The following SEMA3B variants were observed in gnomAD, a reference collection of about 807,000 sequenced individuals.
The protein encoded by SEMA3B is semaphorin 3B, also known as semaphorin-3B.
In SEMA3B, 71 loss-of-function variants were observed where a neutral mutation model predicts 77.8. That is an observed-to-expected ratio of 0.91 (90% confidence interval 0.75 to 1.11). SEMA3B has a LOEUF of 1.11. SEMA3B is among the 50% of genes most tolerant of loss of function. The pLI is 0.00. For missense variants in SEMA3B, 968 were observed against 1,056.8 expected (o/e 0.92, Z 1.17); for synonymous variants, 470 against 452.9 (o/e 1.04, Z -0.48).
chr3:50,276,348 T>C lies in SEMA3B; in HGVS notation c.1892T>C (p.Leu631Pro). 2 of 1,532,494 alleles carry C rather than the reference T, an allele frequency of 1.3e-6. No individual in the cohort carries two copies. Among genetic ancestry groups the C allele is most frequent in the Non-Finnish European group, 1.7e-6 (2 of 1,143,950 alleles). The allele number at this position is 1,532,494 out of a possible 1,614,324, so 94.9% of individuals were successfully genotyped here. The change falls in exon 17 of 17, where the codon CTG becomes CCG. Residue 631 changes from leucine (L) to proline (P), a missense_variant. By Grantham distance (98) the Leu-to-Pro change is moderately conservative. Coordinates refer to ENST00000616701, the MANE Select transcript of SEMA3B (RefSeq NM_001290060.2). The surrounding 1 kb of genome is among the most constrained non-coding windows in gnomAD (Gnocchi z 5.8). ...RTERTARGLL[L>P]RRLRRRDSGV... ...GAGCGCACCGCCCGGGGACTACTGCTGCGCAGGCTGCGGCGCCGGGACTCG... is the reference window on the plus strand; with the variant it reads ...GAGCGCACCGCCCGGGGACTACTGCCGCGCAGGCTGCGGCGCCGGGACTCG...
In SEMA3B at chr3:50,275,596, C is replaced by T. The variant is rs1553706438; in HGVS notation, c.1686C>T (p.Pro562=). Residue 562 remains proline, a synonymous_variant, in exon 15 of 17, where the codon CCC becomes CCT. Coordinates refer to ENST00000616701, the MANE Select transcript of SEMA3B (RefSeq NM_001290060.2). The surrounding 1 kb of genome is among the most constrained non-coding windows in gnomAD (Gnocchi z 7.5). ...FRRQDVRNGD[P]STLCSGDSSR... ...GGCAAGACGTAAGGAATGGCGACCC[C>T]AGCACGTTGTGCTCCGGAGGTGAGT... is the stretch of plus-strand genomic sequence containing the variant. The T allele has an allele frequency of 6.2e-7, 1 of 1,613,730 alleles. No homozygotes were observed. The highest frequency in any genetic ancestry group is 1.7e-5 in the Admixed American group (1 of 60,028).
Position 50,274,669 on chromosome 3 carries a change from C to T in SEMA3B, c.1357+87C>T. 1 of 1,460,222 alleles carries T rather than the reference C, an allele frequency of 6.8e-7. No homozygotes were observed. The highest frequency in any genetic ancestry group is 9.3e-7 in the Non-Finnish European group (1 of 1,074,578). The allele number at this position is 1,460,222 out of a possible 1,614,324, so 90.5% of individuals were successfully genotyped here. ...AGCTCTCCCTGTTCAGTCCCATCTC[C>T]ACATCCTTTCCTGGGCTGTGTCTCC... On this transcript the variant is annotated intron_variant, in intron 11 of 16. Transcript: ENST00000616701. This position sits in a 1 kb window ranked among gnomAD's most constrained non-coding sequence, Gnocchi z 4.7.
At chr3:50,262,635 G>A (rs1334886516), upstream of SEMA3B, 6 of 152,268 alleles carry the variant, frequency 3.9e-5, no homozygotes, top group Non-Finnish European at 8.8e-5. Flanking sequence ...AGGAGCAGAA[G>A]TCAAGGCCAT....
At position 50,274,675 on chromosome 3, in the gene SEMA3B, C is replaced by T; in HGVS notation, c.1357+93C>T. On this transcript the variant is annotated intron_variant, in intron 11 of 16. Transcript: ENST00000616701. This position sits in a 1 kb window ranked among gnomAD's most constrained non-coding sequence, Gnocchi z 4.7. ...CCCTGTTCAGTCCCATCTCCACATC[C>T]TTTCCTGGGCTGTGTCTCCACCCTG... The T allele has an allele frequency of 2.1e-6, 3 of 1,441,406 alleles. No individual in the cohort carries two copies. In the Admixed American group the frequency reaches 6.3e-5, roughly 30 times the overall value. The allele number at this position is 1,441,406 out of a possible 1,614,324, so 89.3% of individuals were successfully genotyped here.
At position 50,270,077 on chromosome 3, in the gene SEMA3B, G is replaced by C; in HGVS notation, c.110-50G>C. On this transcript the variant is annotated intron_variant, in intron 1 of 16. Transcript: ENST00000616701. The surrounding 1 kb of genome is among the most constrained non-coding windows in gnomAD (Gnocchi z 4.7). ...GAGTCACCACCAGGCAGGACCTGGG[G>C]GAGGCTTCCAGCATGGCTGGCGAGT... 6.7e-7 allele frequency: 1 copy of C among 1,486,188 alleles called. No individual in the cohort carries two copies. The highest frequency in any genetic ancestry group is 2.2e-5 in the Admixed American group (1 of 44,754). 92.1% of individuals were successfully genotyped at this position (1,486,188 alleles called of 1,614,324 possible).
chr3:50,271,602 A>G, intron 6 of SEMA3B, 122 bp downstream of exon 6: 1 of 1,371,270 alleles, frequency 7.3e-7, no homozygotes, highest in Non-Finnish European at 9.9e-7. Context: ...ACCCTCCTTA[A>G]TCAGGCACTG....
intron 6 of SEMA3B, 84 bp downstream of exon 6, chr3:50,271,564 C>A: frequency 6.5e-7 from 1 of 1,532,062 alleles, no homozygotes; most frequent in Non-Finnish European, 8.8e-7. Flanking sequence ...AGTAAGTGAG[C>A]AGTGGGTGTG....
At chr3:50,265,150 C>T (rs929602512), upstream of SEMA3B, among the ~76,000 whole-genome samples, 1 of 152,140 alleles carries the variant, frequency 6.6e-6, no homozygotes, top group Non-Finnish European at 1.5e-5. Context: ...CAGGAGATGC[C>T]CCTGGGGCAG....
chr3:50,267,802 G>A (rs3755832), upstream of SEMA3B: 12,252 of 152,512 alleles, frequency 0.08, 629 homozygotes, highest in Middle Eastern at 0.11. The surrounding 1 kb of genome is among the most constrained non-coding windows in gnomAD (Gnocchi z 5.7). Flanking sequence ...AGGGAGGTGG[G>A]GGTCCTGGCC....
chr3:50,271,386 A>G lies in SEMA3B; in HGVS notation c.570A>G (p.Ala190=). Residue 190 remains alanine, a synonymous_variant, in exon 6 of 17, where the codon GCA becomes GCG. Transcript: ENST00000616701. The part of the protein sequence containing the change: ...LVGEELYSGV[A]ADLMGRDFTI... The stretch of plus-strand genomic sequence containing the variant: ...GGGAGGAGCTATACTCAGGGGTGGC[A>G]GCAGACCTCATGGGACGAGACTTTA... The G allele has an allele frequency of 6.3e-7, 1 of 1,587,330 alleles. No homozygotes were observed. Among genetic ancestry groups the G allele is most frequent in the Non-Finnish European group, 8.6e-7 (1 of 1,166,900 alleles).
chr3:50,274,027 G>C lies in SEMA3B; in HGVS notation c.1107G>C (p.Gln369His). 6 of 1,613,494 alleles carry C rather than the reference G, an allele frequency of 3.7e-6. No individual in the cohort carries two copies. Among genetic ancestry groups the C allele is most frequent in the Non-Finnish European group, 5.1e-6 (6 of 1,179,738 alleles). Reference protein sequence around the residue: ...EGPMHQWVSYQGRVPYPRPGM... With the variant: ...EGPMHQWVSYHGRVPYPRPGM... ...CCATGCACCAGTGGGTGTCATACCA[G>C]GGTCGCGTCCCCTACCCGCGGCCAG... Residue 369 changes from glutamine (Q) to histidine (H), a missense_variant, in exon 10 of 17, where the codon CAG (glutamine) becomes CAC (histidine). Coordinates refer to ENST00000616701, the MANE Select transcript of SEMA3B (RefSeq NM_001290060.2). The surrounding 1 kb of genome is among the most constrained non-coding windows in gnomAD (Gnocchi z 4.7).
At position 50,273,379 on chromosome 3, in the gene SEMA3B, C is replaced by A. The variant is rs1203888095; in HGVS notation, c.746C>A (p.Thr249Lys). The A allele has an allele frequency of 1.2e-6, 2 of 1,613,864 alleles. No homozygotes were observed. The highest frequency in any genetic ancestry group is 1.7e-6 in the Non-Finnish European group (2 of 1,179,876). ...AAAATCTACTTCTTCTTTCGTGAGACGGCGGTAGAGGCGGCGCCGGCACTG... is the reference window on the plus strand; with the variant it reads ...AAAATCTACTTCTTCTTTCGTGAGAAGGCGGTAGAGGCGGCGCCGGCACTG... ...DDKIYFFFRE[T>K]AVEAAPALGR... The change falls in exon 7 of 17, where the codon ACG becomes AAG. Residue 249 changes from threonine (T) to lysine (K), a missense_variant. By Grantham distance (78) the Thr-to-Lys change is moderately conservative (BLOSUM62 -1). Coordinates refer to ENST00000616701, the MANE Select transcript of SEMA3B (RefSeq NM_001290060.2). This position sits in a 1 kb window ranked among gnomAD's most constrained non-coding sequence, Gnocchi z 6.5.
At position 50,276,847 on chromosome 3, in the gene SEMA3B, C is replaced by T. The variant is rs1575477441; in HGVS notation, c.*141C>T. ...GGAGACACCAACCGACAGGCCCTGG[C>T]TGAGGGCAGCTGCGCGGGCTTATTT... On this transcript the variant is annotated 3_prime_UTR_variant, in exon 17 of 17. Coordinates refer to ENST00000616701, the MANE Select transcript of SEMA3B (RefSeq NM_001290060.2). The surrounding 1 kb of genome is among the most constrained non-coding windows in gnomAD (Gnocchi z 5.8). 1 of 985,608 alleles carries T rather than the reference C, an allele frequency of 1.0e-6. No homozygotes were observed. The highest frequency in any genetic ancestry group is 1.4e-6 in the Non-Finnish European group (1 of 715,060). The allele number at this position is 985,608 out of a possible 1,614,324, so 61.1% of individuals were successfully genotyped here. A position where few individuals can be genotyped will look rare whatever the true frequency, so the allele number is the denominator to read the frequency against.
chr3:50,271,480 G>T lies in SEMA3B; in HGVS notation c.664G>T (p.Glu222Ter). Residue 222 changes from glutamate (E) to a stop codon, truncating the protein, a stop_gained and splice_region_variant, in exon 6 of 17, where the codon GAG becomes TAG. Coordinates refer to ENST00000616701, the MANE Select transcript of SEMA3B (RefSeq NM_001290060.2). LOFTEE classifies it high-confidence loss of function. ...GCCACACGACTCCCGCTGGCTCAAT[G>T]GTGAGAGGCTGGTGGGGTTGGTGGG... is the stretch of plus-strand genomic sequence containing the variant. ...TEPHDSRWLN[E>*]PKFVKVFWIP... 6.4e-7 allele frequency: 1 copy of T among 1,560,878 alleles called. No individual in the cohort carries two copies. Among genetic ancestry groups the T allele is most frequent in the South Asian group, 1.2e-5 (1 of 84,532 alleles).
At position 50,274,219 on chromosome 3, in the gene SEMA3B, G is replaced by C; in HGVS notation, c.1138-144G>C. ...CTTGTTTCCCGCCTCTGACTTCCTAGGGCAAGGCTGATCTCCTCTCTAATT... is the reference window on the plus strand; with the variant it reads ...CTTGTTTCCCGCCTCTGACTTCCTACGGCAAGGCTGATCTCCTCTCTAATT... On this transcript the variant is annotated intron_variant, in intron 10 of 16. Transcript: ENST00000616701. The surrounding 1 kb of genome is among the most constrained non-coding windows in gnomAD (Gnocchi z 4.7). The C allele has an allele frequency of 7.8e-7, 1 of 1,286,458 alleles. No individual in the cohort carries two copies. Among genetic ancestry groups the C allele is most frequent in the African/African-American group, 1.5e-5 (1 of 66,592 alleles). 79.7% of individuals were successfully genotyped at this position (1,286,458 alleles called of 1,614,324 possible). A position where few individuals can be genotyped will look rare whatever the true frequency, so the allele number is the denominator to read the frequency against.
Position 50,270,446 on chromosome 3 carries a change from C to G in SEMA3B, c.281C>G (p.Ala94Gly), listed in dbSNP as rs782504932. Residue 94 changes from alanine (A) to glycine (G), a missense_variant, in exon 3 of 17, where the codon GCC becomes GGC. Physicochemically the swap from Ala to Gly is moderately conservative, Grantham distance 60. Coordinates refer to ENST00000616701, the MANE Select transcript of SEMA3B (RefSeq NM_001290060.2). The surrounding 1 kb of genome is among the most constrained non-coding windows in gnomAD (Gnocchi z 4.7). The part of the protein sequence containing the change: ...SKRAKKLAWP[A>G]PVEWREECNW... ...ACCTCCCGATAGCTGGCCTGGCCGGCCCCTGTGGAATGGCGAGAGGAGTGC... is the reference window on the plus strand; with the variant it reads ...ACCTCCCGATAGCTGGCCTGGCCGGGCCCTGTGGAATGGCGAGAGGAGTGC... The G allele has an allele frequency of 1.9e-6, 3 of 1,613,744 alleles. No individual in the cohort carries two copies. The highest frequency in any genetic ancestry group is 3.3e-5 in the Admixed American group (2 of 60,028).
upstream of SEMA3B, among the ~76,000 whole-genome samples, chr3:50,265,578 C>A (rs187311957): frequency 1.1e-4 from 17 of 152,348 alleles, no homozygotes; most frequent in Non-Finnish European, 2.4e-4. Flanking sequence ...AGAGCAAGGA[C>A]CCAGGCAGGT....
chr3:50,268,562 A>T (rs1364884506), upstream of SEMA3B, among the ~76,000 whole-genome samples: 1 of 152,248 alleles, frequency 6.6e-6, no homozygotes, highest in East Asian at 1.9e-4. Flanking sequence ...ATGTGCACAC[A>T]CATGCACATA....
At chr3:50,267,533 T>G (rs1259249839), upstream of SEMA3B, 2 of 152,458 alleles carry the variant, frequency 1.3e-5, no homozygotes, top group Non-Finnish European at 2.9e-5. The surrounding 1 kb of genome is among the most constrained non-coding windows in gnomAD (Gnocchi z 5.7). Flanking sequence ...CCCGGCTGCC[T>G]GCCCGGTCAC....
Sources: gnomAD v4.1 joint callset for allele counts (sites outside exome capture counted in the v4.1 genomes callset) on GRCh38, gnomAD v4.1.1 for gene constraint, Gnocchi (gnomAD v3.1) non-coding constraint, MANE v1.5 for transcripts, NCBI Gene and HGNC (gene_info 2026-07-23, HGNC 2026-07-21) for gene names.